The following KAT6B variants were observed in gnomAD, a reference collection of about 807,000 sequenced individuals.
KAT6B encodes the protein lysine acetyltransferase 6B, also known as histone acetyltransferase KAT6B.
KAT6B carries 10 observed loss-of-function variants against 187.5 expected under a neutral mutation model. That is an observed-to-expected ratio of 0.05 (90% CI 0.03 to 0.09). KAT6B has a LOEUF of 0.09. Among genes scored for constraint, KAT6B ranks in the 10% least tolerant of loss-of-function variants. The probability of loss-of-function intolerance (pLI) is 1.00; values close to 1 mark genes in which losing one functional copy is unlikely to be tolerated. For missense variants in KAT6B, 1,952 were observed against 2,558.9 expected (o/e 0.76, Z 5.12); for synonymous variants, 861 against 926.8 (o/e 0.93, Z 1.29).
intron 3 of KAT6B, among the ~76,000 whole-genome samples, chr10:74,917,535 T>C (rs1374326198): frequency 1.3e-5 from 2 of 152,224 alleles, no homozygotes; most frequent in Admixed American, 6.5e-5. Flanking sequence ...TATATACCAG[T>C]CACTGAGATT....
rs1446050797 is a variant in KAT6B, at chr10:74,908,196, C to CCCCACCAGTGGGAAGGT, written c.622-51765_622-51749dup. On this transcript the variant is annotated intron_variant, in intron 3 of 17. Transcript: ENST00000287239. The stretch of plus-strand genomic sequence containing the variant: ...CTACCATGAGATTCTGCAGATTCTT[C>CCCCACCAGTGGGAAGGT]CCCACCAGTGGGAAGGTCCCACCAG... Among the ~76,000 whole-genome samples the CCCCACCAGTGGGAAGGT allele has an allele frequency of 2.0e-5, 3 of 152,196 alleles. No homozygotes were observed. The East Asian group carries it at 5.8e-4, about 29-fold the overall frequency.
chr10:74,920,318 A>AC (rs1848018417), intron 3 of KAT6B, among the ~76,000 whole-genome samples: 1 of 152,044 alleles, frequency 6.6e-6, no homozygotes, highest in Non-Finnish European at 1.5e-5. Context: ...TATCCTTGAG[A>AC]CCCCACCTGC....
At chr10:74,909,604 G>A (rs889671475) in intron 3 of KAT6B, among the ~76,000 whole-genome samples, 14 of 152,262 alleles carry the variant, frequency 9.2e-5, no homozygotes, top group African/African-American at 2.2e-4. Flanking sequence ...ACAGCTGTGC[G>A]CTGGTTTCCC....
At chr10:74,946,883 G>A (rs1405333767) in intron 3 of KAT6B, among the ~76,000 whole-genome samples, 2 of 152,048 alleles carry the variant, frequency 1.3e-5, no homozygotes, top group African/African-American at 4.8e-5. Context: ...GCTCAACTTA[G>A]TTGTACAACA....
At chr10:75,028,466 C>T (rs1418516557) in intron 17 of KAT6B, 23 bp from the exon 18 acceptor site, 1 of 1,612,146 alleles carries the variant, frequency 6.2e-7, no homozygotes. Flanking sequence ...TTTTTTCCTT[C>T]CCGTTTTTGT....
chr10:74,891,959 G>C lies in KAT6B; in HGVS notation c.621+48481G>C, dbSNP rs118017665. 3.6e-3 allele frequency among the ~76,000 whole-genome samples: 541 copies of C among 152,344 alleles called. 14 individuals are homozygous for C. The East Asian group carries it at 0.061, about 17-fold the overall frequency. Reference sequence around the variant, plus strand: ...ACCTTCTGCTGTGGAAGCCAGCAGAGTTCAAATGGGCATTTTCTGTTCTTG... The same window carrying C: ...ACCTTCTGCTGTGGAAGCCAGCAGACTTCAAATGGGCATTTTCTGTTCTTG... On this transcript the variant is annotated intron_variant, in intron 3 of 17. Coordinates refer to ENST00000287239, the MANE Select transcript of KAT6B (RefSeq NM_012330.4).
intron 1 of KAT6B, among the ~76,000 whole-genome samples, chr10:74,830,580 A>G (rs2131930029): frequency 6.6e-6 from 1 of 151,208 alleles, no homozygotes; most frequent in South Asian, 2.1e-4. Context: ...AAACTCTTCT[A>G]AAGTATTGTA....
rs555564801 is a variant in KAT6B at position 74,847,586 on chromosome 10, C to T, written c.621+4108C>T. 2.0e-5 allele frequency among the ~76,000 whole-genome samples: 3 copies of T among 152,102 alleles called. No individual in the cohort carries two copies. The South Asian group carries it at 6.2e-4, about 32-fold the overall frequency. On this transcript the variant is annotated intron_variant, in intron 3 of 17. Coordinates refer to ENST00000287239, the MANE Select transcript of KAT6B (RefSeq NM_012330.4). ...GGCTGAGGCAGGAGAATTGCTTGAA[C>T]TTGGGAGGCAGAGATTGCAGTGAGC...
At chr10:75,013,932 A>G (rs529567317) in intron 13 of KAT6B, among the ~76,000 whole-genome samples, 16 of 152,306 alleles carry the variant, frequency 1.1e-4, no homozygotes, top group African/African-American at 3.8e-4. Context: ...GTCGTATTGT[A>G]TGCAATATAT....
intron 1 of KAT6B, among the ~76,000 whole-genome samples, chr10:74,836,816 A>G (rs1841344499): frequency 6.6e-6 from 1 of 152,240 alleles, no homozygotes; most frequent in African/African-American, 2.4e-5. Context: ...TCACTCAGTT[A>G]CACAATGGGC....
chr10:74,875,097 C>T (rs1055353493), intron 3 of KAT6B, among the ~76,000 whole-genome samples: 3 of 152,150 alleles, frequency 2.0e-5, no homozygotes, highest in Non-Finnish European at 4.4e-5. Flanking sequence ...GTGTGAGATA[C>T]ATGTTTAAAA....
intron 3 of KAT6B, among the ~76,000 whole-genome samples, chr10:74,944,922 C>T (rs112763272): frequency 1.2e-4 from 18 of 150,756 alleles, no homozygotes; most frequent in African/African-American, 4.4e-4. Flanking sequence ...CCAAGTGCAA[C>T]TGGAAGTGTA....
chr10:75,007,149 G>C (rs1844263918), intron 13 of KAT6B, among the ~76,000 whole-genome samples: 1 of 151,860 alleles, frequency 6.6e-6, no homozygotes, highest in Non-Finnish European at 1.5e-5. Flanking sequence ...TGAATTAATG[G>C]ATCTAGACAA....
At chr10:75,012,830 G>A (rs148929261) in intron 13 of KAT6B, among the ~76,000 whole-genome samples, 2 of 152,254 alleles carry the variant, frequency 1.3e-5, no homozygotes, top group African/African-American at 2.4e-5. Context: ...CACACCACAC[G>A]GCATCGGGGA....
At chr10:74,882,300 A>G (rs1030309604) in intron 3 of KAT6B, among the ~76,000 whole-genome samples, 8 of 152,124 alleles carry the variant, frequency 5.3e-5, no homozygotes, top group African/African-American at 1.9e-4. Context: ...TGCATATTTT[A>G]TATTTTCTTG....
At chr10:74,941,031 G>T (rs961745246) in intron 3 of KAT6B, among the ~76,000 whole-genome samples, 6 of 152,160 alleles carry the variant, frequency 3.9e-5, no homozygotes, top group African/African-American at 1.2e-4. Context: ...TTAGGCATGT[G>T]CATTTTTTTT....
intron 3 of KAT6B, among the ~76,000 whole-genome samples, chr10:74,953,711 A>G (rs1433081706): frequency 2.0e-5 from 3 of 152,170 alleles, no homozygotes; most frequent in African/African-American, 7.2e-5. Context: ...GTGAACAGAT[A>G]CCATGGAAAT....
rs915613053 is a variant in KAT6B, at chr10:74,830,339, T to A, written c.-329+3554T>A. 2.0e-5 allele frequency among the ~76,000 whole-genome samples: 3 copies of A among 152,288 alleles called. No homozygotes were observed. In the East Asian group the frequency reaches 5.8e-4, roughly 29 times the overall value. On this transcript the variant is annotated intron_variant, in intron 1 of 17. Coordinates refer to ENST00000287239, the MANE Select transcript of KAT6B (RefSeq NM_012330.4). ...GGGGCAATTGTGAACAAAGCTGCTA[T>A]GAGCATTCCTATACCTGTCATCTGG...
intron 7 of KAT6B, among the ~76,000 whole-genome samples, chr10:74,974,851 G>T (rs1422112223): frequency 6.6e-6 from 1 of 152,130 alleles, no homozygotes; most frequent in Admixed American, 6.5e-5. Context: ...AGCACAAACT[G>T]CTGAGAGGAA....
Sources: gnomAD v4.1 joint callset for allele counts (sites outside exome capture counted in the v4.1 genomes callset) on GRCh38, gnomAD v4.1.1 for gene constraint, MANE v1.5 for transcripts, NCBI Gene and HGNC (gene_info 2026-07-23, HGNC 2026-07-21) for gene names.